The following LDAH variants were observed in gnomAD, a reference collection of about 807,000 sequenced individuals.
LDAH encodes lipid droplet associated hydrolase, also known as lipid droplet-associated hydrolase.
A neutral mutation model predicts 29.6 loss-of-function variants in LDAH; 26 were observed. The observed-to-expected ratio is 0.88, with a 90% CI of 0.64 to 1.22. The LOEUF (loss-of-function observed/expected upper bound fraction) is 1.22. Ranked by LOEUF, LDAH falls within the 50% of genes most tolerant of loss-of-function variation. The pLI is 0.00. For synonymous variants in LDAH, 117 were observed against 133.0 expected (o/e 0.88, Z 0.83); for missense variants, 344 against 387.3 (o/e 0.89, Z 0.94).
At chr2:20,748,038 T>A (rs1667698479) in intron 4 of LDAH, among the ~76,000 whole-genome samples, 2 of 152,208 alleles carry the variant, frequency 1.3e-5, no homozygotes, top group Non-Finnish European at 2.9e-5. Flanking sequence ...CAATTACTAC[T>A]ATTATTGTTA....
chr2:20,751,226 G>C (rs1202238285), intron 4 of LDAH, among the ~76,000 whole-genome samples: 1 of 152,054 alleles, frequency 6.6e-6, no homozygotes, highest in South Asian at 2.1e-4. Context: ...TCTTTTTAAA[G>C]GTAAAAAGCA....
intron 1 of LDAH, among the ~76,000 whole-genome samples, chr2:20,801,930 ATGTGTGTG>A (rs35921690): frequency 3.6e-5 from 5 of 140,222 alleles, no homozygotes; most frequent in East Asian, 2.1e-4. Context: ...CCCAAATTCT[ATGTGTGTG>A]TGTGTGTGTG....
In LDAH at chr2:20,686,111, C is replaced by T. The variant is rs1016587656; in HGVS notation, c.*792G>A. The T allele has an allele frequency of 6.4e-6, 1 of 155,500 alleles. No homozygotes were observed. Among genetic ancestry groups the T allele is most frequent in the African/African-American group, 2.4e-5 (1 of 41,476 alleles). The allele number at this position is 155,500 out of a possible 1,614,324, so 9.6% of individuals were successfully genotyped here. A position where few individuals can be genotyped will look rare whatever the true frequency, so the allele number is the denominator to read the frequency against. ...CTGTACGTTGGCACATCCAAGCCTG[C>T]TTTGGGACAGCCCAGTGCCTCTCCA... On this transcript the variant is annotated 3_prime_UTR_variant, in exon 7 of 7. Coordinates refer to ENST00000237822, the MANE Select transcript of LDAH (RefSeq NM_021925.4).
chr2:20,768,171 G>A (rs1018255700), intron 4 of LDAH, among the ~76,000 whole-genome samples: 7 of 152,300 alleles, frequency 4.6e-5, no homozygotes, highest in Non-Finnish European at 8.8e-5. Context: ...GATGAGTGGC[G>A]AGGCTAAAAG....
intron 5 of LDAH, among the ~76,000 whole-genome samples, chr2:20,715,035 G>C (rs951350383): frequency 6.6e-6 from 1 of 152,126 alleles, no homozygotes; most frequent in African/African-American, 2.4e-5. Flanking sequence ...CATTTTATGA[G>C]GTCAACATCA....
At chr2:20,822,507 G>A (rs774428249) in intron 1 of LDAH, among the ~76,000 whole-genome samples, 12 of 152,148 alleles carry the variant, frequency 7.9e-5, no homozygotes, top group Non-Finnish European at 7.3e-5. Context: ...CTACTTGCGA[G>A]GGAAGATACG....
At chr2:20,805,082 T>A (rs1032258421) in intron 1 of LDAH, among the ~76,000 whole-genome samples, 3 of 152,198 alleles carry the variant, frequency 2.0e-5, no homozygotes, top group Admixed American at 6.5e-5. Flanking sequence ...CAGAAGAGAA[T>A]TTAAAGTTAT....
At chr2:20,709,555 T>C (rs181486009) in intron 5 of LDAH, among the ~76,000 whole-genome samples, 25 of 152,304 alleles carry the variant, frequency 1.6e-4, no homozygotes, top group Admixed American at 1.4e-3. Context: ...GTCTTGTTGT[T>C]AGAATTATAA....
intron 5 of LDAH, among the ~76,000 whole-genome samples, chr2:20,734,937 G>T (rs112939761): frequency 0.028 from 4,298 of 152,190 alleles, 205 homozygotes; most frequent in African/African-American, 0.099. Flanking sequence ...TTTTCATTTT[G>T]CATTTTGTCA....
chr2:20,777,190 T>G (rs550334463), intron 3 of LDAH, among the ~76,000 whole-genome samples: 1 of 152,280 alleles, frequency 6.6e-6, no homozygotes, highest in South Asian at 2.1e-4. Flanking sequence ...TTCTAAAATT[T>G]CACTGACATC....
chr2:20,733,397 ATTTTTTTTTT>A (rs34191708), intron 5 of LDAH, among the ~76,000 whole-genome samples: 4 of 111,910 alleles, frequency 3.6e-5, no homozygotes, highest in African/African-American at 1.4e-4. Context: ...ATGCCTGGCT[ATTTTTTTTTT>A]TTTTTTTTTT....
intron 4 of LDAH, among the ~76,000 whole-genome samples, chr2:20,748,828 G>A (rs1667763243): frequency 1.3e-5 from 2 of 152,126 alleles, no homozygotes; most frequent in African/African-American, 4.8e-5. Context: ...AATGTGATAG[G>A]ATGGCTCTGC....
Position 20,796,579 on chromosome 2 carries a change from G to T in LDAH, c.154+4731C>A, listed in dbSNP as rs150833503. Reference sequence around the variant, plus strand: ...ACTTTGTCCCATAATTCATTATTATGATGAAATCCAAAGAACTTCACCTAC... The same window carrying T: ...ACTTTGTCCCATAATTCATTATTATTATGAAATCCAAAGAACTTCACCTAC... On this transcript the variant is annotated intron_variant, in intron 2 of 6. Transcript: ENST00000237822. Among the ~76,000 whole-genome samples the T allele has an allele frequency of 3.6e-3, 543 of 152,248 alleles. 5 individuals are homozygous for T. The highest frequency in any genetic ancestry group is 3.9e-3 in the Non-Finnish European group (264 of 68,012).
intron 5 of LDAH, among the ~76,000 whole-genome samples, chr2:20,716,676 T>C (rs1665217424): frequency 6.6e-6 from 1 of 150,770 alleles, no homozygotes; most frequent in Non-Finnish European, 1.5e-5. Context: ...TGTATACCTA[T>C]GTAACAAACC....
At chr2:20,812,087 T>C (rs2125145152) in intron 1 of LDAH, among the ~76,000 whole-genome samples, 1 of 152,184 alleles carries the variant, frequency 6.6e-6, no homozygotes, top group Admixed American at 6.5e-5. Flanking sequence ...GAAGGGAATT[T>C]AGTGGGAGGA....
chr2:20,792,207 C>T (rs1671009881), intron 2 of LDAH, among the ~76,000 whole-genome samples: 1 of 151,896 alleles, frequency 6.6e-6, no homozygotes, highest in Non-Finnish European at 1.5e-5. Context: ...ATATGTTATA[C>T]CTCATATTCA....
chr2:20,785,046 C>T (rs1247732851), intron 3 of LDAH, among the ~76,000 whole-genome samples: 1 of 152,118 alleles, frequency 6.6e-6, no homozygotes, highest in Non-Finnish European at 1.5e-5. Context: ...GTTGTAATTA[C>T]CCAACATACT....
At chr2:20,812,481 C>A (rs181485373) in intron 1 of LDAH, among the ~76,000 whole-genome samples, 6 of 152,286 alleles carry the variant, frequency 3.9e-5, no homozygotes, top group Admixed American at 3.9e-4. Context: ...CATAAAACTT[C>A]TGCAGAGCAA....
intron 5 of LDAH, among the ~76,000 whole-genome samples, chr2:20,721,321 C>T (rs912427308): frequency 1.3e-5 from 2 of 151,978 alleles, no homozygotes; most frequent in Non-Finnish European, 2.9e-5. Context: ...GACCAAAGAC[C>T]TGAATAGAAA....
Sources: gnomAD v4.1 joint callset for allele counts (sites outside exome capture counted in the v4.1 genomes callset) on GRCh38, gnomAD v4.1.1 for gene constraint, MANE v1.5 for transcripts, NCBI Gene and HGNC (gene_info 2026-07-23, HGNC 2026-07-21) for gene names.